CTCF: variants seen among roughly 807,000 people sequenced by gnomAD.
CTCF encodes the protein CCCTC-binding factor.
A neutral mutation model predicts 72.3 loss-of-function variants in CTCF; 7 were observed. That is an observed-to-expected ratio of 0.10 (90% CI 0.06 to 0.18). The LOEUF (loss-of-function observed/expected upper bound fraction) is 0.18. Ranked by LOEUF, CTCF falls within the 10% of genes least tolerant of loss-of-function variation. CTCF has a pLI of 1.00. For synonymous variants in CTCF, 374 were observed against 315.8 expected, an observed-to-expected ratio of 1.18 and a Z score of -1.95; for missense variants, 516 against 949.1, an observed-to-expected ratio of 0.54 and a Z score of 6.00.
intron 2 of CTCF, among the ~76,000 whole-genome samples, chr16:67,599,240 C>G (rs1366983828): frequency 6.6e-6 from 1 of 152,110 alleles, no homozygotes; most frequent in Non-Finnish European, 1.5e-5. Flanking sequence ...AGTAAAAATA[C>G]AAAAACTAGT....
intron 7 of CTCF, among the ~76,000 whole-genome samples, chr16:67,622,224 T>C (rs1290343839): frequency 1.3e-5 from 2 of 151,718 alleles, no homozygotes; most frequent in African/African-American, 4.8e-5. Flanking sequence ...GGCATGGTGG[T>C]GGGCGCCTGT....
At chr16:67,579,783 CAT>C (rs745388068) in intron 2 of CTCF, among the ~76,000 whole-genome samples, 41 of 152,220 alleles carry the variant, frequency 2.7e-4, no homozygotes, top group Non-Finnish European at 2.8e-4. Flanking sequence ...CTAGTGTAAA[CAT>C]AGAGAATTGC....
intron 7 of CTCF, among the ~76,000 whole-genome samples, chr16:67,624,554 T>C (rs191043348): frequency 1.8e-4 from 28 of 152,232 alleles, no homozygotes; most frequent in Admixed American, 3.9e-4. Flanking sequence ...TATTTTAACC[T>C]TTTTTTCTCT....
intron 1 of CTCF, chr16:67,568,452 G>C (rs2051370653): frequency 6.6e-6 from 1 of 152,036 alleles, no homozygotes; most frequent in Non-Finnish European, 1.5e-5. Flanking sequence ...GCAGTGGTGC[G>C]ATGGTGGCCC....
intron 2 of CTCF, among the ~76,000 whole-genome samples, chr16:67,600,171 C>T (rs555807814): frequency 4.6e-5 from 7 of 152,118 alleles, no homozygotes; most frequent in Admixed American, 2.6e-4. Flanking sequence ...ACAAAGGGGC[C>T]GCAGAGGGCT....
rs533222148 is a variant in CTCF, at chr16:67,607,032, C to G, written c.-9-3792C>G. On this transcript the variant is annotated intron_variant, in intron 2 of 11. Coordinates refer to ENST00000264010, the MANE Select transcript of CTCF (RefSeq NM_006565.4). ...AGTACAGTGGCCCAATCTCAGCTCA[C>G]TGCAACCTCCACCTCCCAGGTTCAA... Among the ~76,000 whole-genome samples the G allele has an allele frequency of 5.9e-5, 9 of 152,244 alleles. No individual in the cohort carries two copies. The South Asian group carries it at 1.7e-3, about 28-fold the overall frequency.
In CTCF at chr16:67,638,062, A is replaced by C. The variant is rs556863298; in HGVS notation, c.*190A>C. On this transcript the variant is annotated 3_prime_UTR_variant, in exon 12 of 12. Transcript: ENST00000264010. ...TAACTAGAACTTGCTGTCTGATGTTAGCAAATCATGGAATGTTCTGAGTCC... is the reference window on the plus strand; with the variant it reads ...TAACTAGAACTTGCTGTCTGATGTTCGCAAATCATGGAATGTTCTGAGTCC... The C allele has an allele frequency of 3.5e-6, 2 of 575,654 alleles. No homozygotes were observed. The highest frequency in any genetic ancestry group is 5.6e-5 in the East Asian group (2 of 35,746). 35.7% of individuals were successfully genotyped at this position (575,654 alleles called of 1,614,324 possible).
intron 1 of CTCF, chr16:67,568,618 C>T (rs961462282): frequency 6.6e-6 from 1 of 152,278 alleles, no homozygotes; most frequent in Non-Finnish European, 1.5e-5. Flanking sequence ...CGAACTCTAA[C>T]CTCATGATCC....
chr16:67,594,395 A>AT (rs2051784164), intron 2 of CTCF, among the ~76,000 whole-genome samples: 1 of 151,908 alleles, frequency 6.6e-6, no homozygotes, highest in South Asian at 2.1e-4. Flanking sequence ...AAAAAAAAAA[A>AT]AAAAGGTGTA....
chr16:67,586,030 C>A (rs1245302144), intron 2 of CTCF, among the ~76,000 whole-genome samples: 1 of 152,024 alleles, frequency 6.6e-6, no homozygotes, highest in African/African-American at 2.4e-5. Flanking sequence ...TTTTTTGTTG[C>A]CTATACATGT....
chr16:67,619,174 G>A (rs752609918), intron 5 of CTCF, among the ~76,000 whole-genome samples: 12 of 152,186 alleles, frequency 7.9e-5, no homozygotes, highest in Non-Finnish European at 2.9e-5. Context: ...GGTAGCTCAC[G>A]CCTGTAATCC....
chr16:67,583,205 C>CT (rs2051614138), intron 2 of CTCF, among the ~76,000 whole-genome samples: 1 of 151,522 alleles, frequency 6.6e-6, no homozygotes, highest in African/African-American at 2.4e-5. Flanking sequence ...ATGCTGGTCT[C>CT]TTAACTCCTG....
At chr16:67,587,509 A>G (rs1265828814) in intron 2 of CTCF, among the ~76,000 whole-genome samples, 1 of 151,112 alleles carries the variant, frequency 6.6e-6, no homozygotes, top group Non-Finnish European at 1.5e-5. Flanking sequence ...TCACCCTATC[A>G]TGTGTGCCCA....
At chr16:67,562,944 C>T (rs2051296538) in intron 1 of CTCF, among the ~76,000 whole-genome samples, 2 of 131,616 alleles carry the variant, frequency 1.5e-5, no homozygotes, top group African/African-American at 6.2e-5. Context: ...CGCCCGCCCG[C>T]TAGGCCTCCC....
At chr16:67,571,291 C>T (rs1022364860) in intron 2 of CTCF, 27 bp downstream of exon 2, 1 of 152,632 alleles carries the variant, frequency 6.6e-6, no homozygotes, top group Non-Finnish European at 1.5e-5. Context: ...TTTTTTCTAT[C>T]TTAAAAATGG....
At chr16:67,595,688 T>C (rs2051802809) in intron 2 of CTCF, among the ~76,000 whole-genome samples, 1 of 152,084 alleles carries the variant, frequency 6.6e-6, no homozygotes, top group Non-Finnish European at 1.5e-5. Context: ...AGCGAGAAGG[T>C]AGCATATCTC....
In CTCF at chr16:67,638,741, G is replaced by T. The variant is rs1479387201; in HGVS notation, c.*869G>T. ...TGCCCTGTTTGTAGCTGATTGTTGT[G>T]TTTTATAAATCTTCTGTTAAGGCAG... On this transcript the variant is annotated 3_prime_UTR_variant, in exon 12 of 12. Transcript: ENST00000264010. The T allele has an allele frequency of 4.5e-6, 1 of 222,644 alleles. No individual in the cohort carries two copies. The highest frequency in any genetic ancestry group is 2.2e-5 in the African/African-American group (1 of 44,708). 13.8% of individuals were successfully genotyped at this position (222,644 alleles called of 1,614,324 possible). A position where few individuals can be genotyped will look rare whatever the true frequency, so the allele number is the denominator to read the frequency against.
chr16:67,637,778 C>CAGAGGG lies in CTCF; in HGVS notation c.2096_2101dup (p.Gly699_Glu700dup). 1.9e-6 allele frequency: 3 copies of CAGAGGG among 1,613,480 alleles called. No homozygotes were observed. The highest frequency in any genetic ancestry group is 2.5e-6 in the Non-Finnish European group (3 of 1,180,008). On this transcript the variant is annotated inframe_insertion, in exon 12 of 12. Transcript: ENST00000264010. The stretch of plus-strand genomic sequence containing the variant: ...AAAAAAGAGCCAGATGCTGAGCCCG[C>CAGAGGG]AGAGGGAGAGGAAGAGGAGGCCCAG...
intron 9 of CTCF, among the ~76,000 whole-genome samples, chr16:67,628,818 T>C (rs1403208666): frequency 6.6e-6 from 1 of 152,210 alleles, no homozygotes; most frequent in Non-Finnish European, 1.5e-5. Context: ...CCCAGCACTT[T>C]GGGAGGCCAA....
Sources: allele counts gnomAD v4.1 joint callset (sites outside exome capture counted in the v4.1 genomes callset), GRCh38; gene constraint gnomAD v4.1.1; transcripts MANE v1.5; gene names NCBI Gene and HGNC (gene_info 2026-07-23, HGNC 2026-07-21).